Variants in SGCZ observed in about 807,000 individuals in gnomAD.
SGCZ encodes sarcoglycan zeta.
Under a neutral mutation model 41.3 loss-of-function variants are expected in SGCZ, and 40 were observed. The observed-to-expected ratio is 0.97, with a 90% CI of 0.75 to 1.26. The LOEUF is 1.26. Among genes scored for constraint, SGCZ ranks in the 50% most tolerant of loss-of-function variants. The probability of loss-of-function intolerance (pLI) is 0.00; values close to 1 mark genes in which losing one functional copy is unlikely to be tolerated. For synonymous variants in SGCZ, 206 were observed against 137.5 expected (o/e 1.50, Z -3.49); for missense variants, 552 against 369.8 (o/e 1.49, Z -4.04).
At chr8:14,408,180 A>C (rs926550827) in intron 2 of SGCZ, among the ~76,000 whole-genome samples, 4 of 152,188 alleles carry the variant, frequency 2.6e-5, no homozygotes, top group Non-Finnish European at 5.9e-5. Context: ...CATTATGGAA[A>C]GAAGGAAACT....
At chr8:14,877,791 T>G (rs1159892922) in intron 1 of SGCZ, among the ~76,000 whole-genome samples, 2 of 152,088 alleles carry the variant, frequency 1.3e-5, no homozygotes, top group Non-Finnish European at 2.9e-5. Flanking sequence ...TATTTATTCG[T>G]TTTTTTATGG....
intron 1 of SGCZ, among the ~76,000 whole-genome samples, chr8:14,925,028 T>C (rs981541212): frequency 1.3e-5 from 2 of 152,048 alleles, no homozygotes; most frequent in Non-Finnish European, 2.9e-5. Flanking sequence ...CGGCTAATTT[T>C]TGTATTTTTA....
At position 15,186,822 on chromosome 8, in the gene SGCZ, A is replaced by G. The variant is rs778297351; in HGVS notation, c.39+50763T>C. 3.6e-4 allele frequency among the ~76,000 whole-genome samples: 55 copies of G among 152,196 alleles called. 1 individual carries two copies. Among genetic ancestry groups the G allele is most frequent in the Admixed American group, 1.7e-3 (26 of 15,280 alleles). ...CTACAACATTGATTTTGCCCAAAGT[A>G]TTAACTGTGAACGCTTGTTTTTCAG... is the stretch of plus-strand genomic sequence containing the variant. On this transcript the variant is annotated intron_variant, in intron 1 of 7. Coordinates refer to ENST00000382080, the MANE Select transcript of SGCZ (RefSeq NM_139167.4).
chr8:14,548,598 T>G (rs980209790), intron 2 of SGCZ, among the ~76,000 whole-genome samples: 2 of 152,100 alleles, frequency 1.3e-5, no homozygotes, highest in African/African-American at 4.8e-5. Context: ...ACACCCCTGA[T>G]TTTATCCCTG....
intron 3 of SGCZ, among the ~76,000 whole-genome samples, chr8:14,297,785 T>C (rs1348023415): frequency 6.6e-6 from 1 of 151,970 alleles, no homozygotes; most frequent in Admixed American, 6.6e-5. Flanking sequence ...TAAAACCTTA[T>C]CAATAATGAA....
intron 4 of SGCZ, among the ~76,000 whole-genome samples, chr8:14,188,824 G>GTTTTTTTTTTTT (rs145555540): frequency 2.1e-4 from 13 of 62,372 alleles, no homozygotes; most frequent in African/African-American, 7.3e-4. Flanking sequence ...TTGTTTCTTT[G>GTTTTTTTTTTTT]TTTTTTTTTG....
chr8:15,036,245 G>A (rs1382348530), intron 1 of SGCZ, among the ~76,000 whole-genome samples: 1 of 152,014 alleles, frequency 6.6e-6, no homozygotes, highest in East Asian at 1.9e-4. Flanking sequence ...ATATGTCTAA[G>A]AAATAAGTTC....
rs117652082 is a variant in SGCZ at position 15,193,453 on chromosome 8, T to C, written c.39+44132A>G. Among the ~76,000 whole-genome samples the C allele has an allele frequency of 2.6e-3, 392 of 152,170 alleles. 1 individual carries two copies. Among genetic ancestry groups the C allele is most frequent in the Non-Finnish European group, 3.5e-3 (236 of 68,012 alleles). On this transcript the variant is annotated intron_variant, in intron 1 of 7. Coordinates refer to ENST00000382080, the MANE Select transcript of SGCZ (RefSeq NM_139167.4). ...TAATCACTGTTTTAAGCAATTCATT[T>C]AATCCTTGTAAAACTCTATACAGTA...
At chr8:14,674,046 T>G (rs562040868) in intron 1 of SGCZ, among the ~76,000 whole-genome samples, 3 of 152,132 alleles carry the variant, frequency 2.0e-5, no homozygotes, top group Non-Finnish European at 4.4e-5. Flanking sequence ...GAGATGAAGT[T>G]CGATGAATAA....
At chr8:15,037,036 T>G (rs760418396) in intron 1 of SGCZ, among the ~76,000 whole-genome samples, 7 of 152,260 alleles carry the variant, frequency 4.6e-5, no homozygotes, top group East Asian at 1.9e-4. Flanking sequence ...TTGACAAAAC[T>G]GGACATCATT....
rs369439630 is a variant in SGCZ at position 14,326,010 on chromosome 8, G to C, written c.235-1806C>G. Among the ~76,000 whole-genome samples, 228 of 146,488 alleles carry C rather than the reference G, an allele frequency of 1.6e-3. 2 individuals carry two copies. The highest frequency in any genetic ancestry group is 5.4e-3 in the African/African-American group (218 of 40,194). On this transcript the variant is annotated intron_variant, in intron 2 of 7. Coordinates refer to ENST00000382080, the MANE Select transcript of SGCZ (RefSeq NM_139167.4). ...GCCTGTAGTCCCAGGTACTCGGAAG[G>C]CTGAGGCAGGAGAATGGCACGAACC...
intron 4 of SGCZ, among the ~76,000 whole-genome samples, chr8:14,188,048 C>A (rs186074294): frequency 6.6e-5 from 10 of 151,788 alleles, no homozygotes; most frequent in Admixed American, 2.6e-4. Flanking sequence ...TCAAAGTGTT[C>A]AGATTTAAAA....
intron 1 of SGCZ, among the ~76,000 whole-genome samples, chr8:15,163,972 G>T (rs1563159990): frequency 6.6e-6 from 1 of 152,224 alleles, no homozygotes; most frequent in Non-Finnish European, 1.5e-5. Context: ...AAGGAGGCTG[G>T]CCTCTCCGCT....
intron 1 of SGCZ, among the ~76,000 whole-genome samples, chr8:14,848,681 T>G (rs949929285): frequency 6.6e-6 from 1 of 152,190 alleles, no homozygotes; most frequent in African/African-American, 2.4e-5. Context: ...TCTCCCACTA[T>G]CTACAAAATT....
At chr8:15,208,902 T>G (rs866691332) in intron 1 of SGCZ, among the ~76,000 whole-genome samples, 2,151 of 149,966 alleles carry the variant, frequency 0.014, 24 homozygotes, top group Non-Finnish European at 0.021. Context: ...TACATATATA[T>G]AGAGAGAGAG....
At chr8:14,595,298 A>G (rs931428844) in intron 1 of SGCZ, among the ~76,000 whole-genome samples, 5 of 152,106 alleles carry the variant, frequency 3.3e-5, no homozygotes, top group African/African-American at 1.2e-4. Context: ...TATTTCCTCA[A>G]TGTCAAGATG....
At chr8:14,636,273 T>C (rs1041305158) in intron 1 of SGCZ, among the ~76,000 whole-genome samples, 3 of 151,880 alleles carry the variant, frequency 2.0e-5, no homozygotes, top group Non-Finnish European at 2.9e-5. Flanking sequence ...AATTAGGAGA[T>C]GTTGAAGGGT....
At chr8:14,675,912 G>A (rs1387048756) in intron 1 of SGCZ, among the ~76,000 whole-genome samples, 1 of 152,194 alleles carries the variant, frequency 6.6e-6, no homozygotes, top group African/African-American at 2.4e-5. Flanking sequence ...AGAGGTCAGG[G>A]AGGCTAAGGT....
chr8:14,744,147 T>A (rs1289961234), intron 1 of SGCZ, among the ~76,000 whole-genome samples: 2 of 151,318 alleles, frequency 1.3e-5, no homozygotes, highest in Non-Finnish European at 2.9e-5. Flanking sequence ...AAAACACAAT[T>A]CTTAAAAACC....
Sources: gnomAD v4.1 joint callset for allele counts (sites outside exome capture counted in the v4.1 genomes callset) on GRCh38, gnomAD v4.1.1 for gene constraint, MANE v1.5 for transcripts, NCBI Gene and HGNC (gene_info 2026-07-23, HGNC 2026-07-21) for gene names.